Variants in MAST1 observed in about 807,000 individuals in gnomAD.
The protein encoded by MAST1 is microtubule-associated serine/threonine-protein kinase 1.
A neutral mutation model predicts 124.6 loss-of-function variants in MAST1; 40 were observed. The observed-to-expected ratio is 0.32, with a 90% CI of 0.25 to 0.42. The LOEUF is 0.42. Ranked by LOEUF, MAST1 falls within the 10% of genes least tolerant of loss-of-function variation. The probability of loss-of-function intolerance (pLI) is 1.00; values close to 1 mark genes in which losing one functional copy is unlikely to be tolerated. For missense variants in MAST1, 1,558 were observed against 2,181.9 expected (o/e 0.71, Z 5.70); for synonymous variants, 938 against 939.4 (o/e 1.00, Z 0.03).
At chr19:12,840,314 C>T in intron 1 of MAST1, 132 bp from the exon 2 acceptor site, 2 of 647,748 alleles carry the variant, frequency 3.1e-6, no homozygotes, top group East Asian at 5.5e-5. Context: ...TTCGAGAAAC[C>T]CTCCCAGGGA....
rs1179306762 is a variant in MAST1 at position 12,852,351 on chromosome 19, G to A, written c.1033G>A (p.Asp345Asn). The change falls in exon 10 of 26, where the codon GAC becomes AAC. Residue 345 changes from aspartate to asparagine, a missense_variant. Physicochemically the swap from Asp to Asn is conservative, Grantham distance 23. This residue lies in a region of MAST1 where 136 missense variants were observed against 160.9 expected (regional missense o/e 0.85). Coordinates refer to ENST00000251472, the MANE Select transcript of MAST1 (RefSeq NM_014975.3). ...FPDVVHLEEQ[D>N]SGGSNTPEQD... ...AGATGTGGTGCATCTGGAGGAACAG[G>A]ACAGTGGTGGTTCCAACACCCCTGA... 6.2e-7 allele frequency: 1 copy of A among 1,614,100 alleles called. No homozygotes were observed. The highest frequency in any genetic ancestry group is 8.5e-7 in the Non-Finnish European group (1 of 1,179,994).
At position 12,843,561 on chromosome 19, in the gene MAST1, T is replaced by A; in HGVS notation, c.281T>A (p.Leu94His). 6.2e-7 allele frequency: 1 copy of A among 1,613,404 alleles called. No homozygotes were observed. Among genetic ancestry groups the A allele is most frequent in the South Asian group, 1.1e-5 (1 of 91,038 alleles). ...ADGRRWSLAS[L>H]PSSGYGTNTP... is the part of the protein sequence containing the mutation. The stretch of plus-strand genomic sequence containing the variant: ...GGACGCCGGTGGTCTCTGGCCTCGC[T>A]CCCTTCATCTGGCTATGGCACCAAC... Residue 94 changes from leucine (L) to histidine (H), a missense_variant, in exon 4 of 26, where the codon CTC (leucine) becomes CAC (histidine). Leu to His is a moderately conservative substitution (Grantham distance 99). This residue lies in a region of MAST1 where 165 missense variants were observed against 315.3 expected (regional missense o/e 0.52). Coordinates refer to ENST00000251472, the MANE Select transcript of MAST1 (RefSeq NM_014975.3). This position sits in a 1 kb window ranked among gnomAD's most constrained non-coding sequence, Gnocchi z 4.9.
chr19:12,840,022 A>G lies in MAST1; in HGVS notation c.84-424A>G, dbSNP rs1396642168. Among the ~76,000 whole-genome samples the G allele has an allele frequency of 7.9e-5, 12 of 152,238 alleles. No individual in the cohort carries two copies. The East Asian group carries it at 2.1e-3, about 27-fold the overall frequency. ...CACACAAATGCTCAAATTGTATCACACAAGATAAACCCACGTTGTGTCACA... is the reference window on the plus strand; with the variant it reads ...CACACAAATGCTCAAATTGTATCACGCAAGATAAACCCACGTTGTGTCACA... On this transcript the variant is annotated intron_variant, in intron 1 of 25. Coordinates refer to ENST00000251472, the MANE Select transcript of MAST1 (RefSeq NM_014975.3).
Position 12,867,634 on chromosome 19 carries a change from GA to G in MAST1, c.2301del (p.Gly769AlafsTer130). The G allele has an allele frequency of 6.2e-7, 1 of 1,604,430 alleles. No homozygotes were observed. The highest frequency in any genetic ancestry group is 8.5e-7 in the Non-Finnish European group (1 of 1,175,708). ...CTGACCCTGCGTGAGAAGACCTGGA[GA>G]GGGGGCTCTCCGGAGATGTGAGCAG... ...GGLTLREKTW[R>X]GGSPEIKRFS... On this transcript the variant is annotated frameshift_variant, in exon 19 of 26. Transcript: ENST00000251472. LOFTEE classifies it high-confidence loss of function.
intron 22 of MAST1, among the ~76,000 whole-genome samples, chr19:12,869,742 G>A (rs1970207854): frequency 6.6e-6 from 1 of 151,104 alleles, no homozygotes; most frequent in East Asian, 2.1e-4. Flanking sequence ...GGCCGAGACT[G>A]TTTCTTCATC....
chr19:12,864,674 G>A (rs1970128059), intron 12 of MAST1, 135 bp from the exon 13 acceptor site: 1 of 1,124,000 alleles, frequency 8.9e-7, no homozygotes, highest in Non-Finnish European at 1.3e-6. Flanking sequence ...CTGGAGGGAG[G>A]GAGGCCCCTC....
chr19:12,863,736 T>C (rs2145906094), intron 12 of MAST1, among the ~76,000 whole-genome samples: 1 of 152,200 alleles, frequency 6.6e-6, no homozygotes, highest in African/African-American at 2.4e-5. Flanking sequence ...TGGAAGGAAA[T>C]CTAGCCTTTG....
intron 3 of MAST1, among the ~76,000 whole-genome samples, chr19:12,842,765 A>T (rs1265222625): frequency 6.6e-6 from 1 of 152,098 alleles, no homozygotes; most frequent in African/African-American, 2.4e-5. Flanking sequence ...GGGTGTCTGG[A>T]ACGTGCATCT....
At position 12,858,643 on chromosome 19, in the gene MAST1, G is replaced by C; in HGVS notation, c.1270G>C (p.Asp424His). Residue 424 changes from aspartate to histidine, a missense_variant, in exon 12 of 26, where the codon GAT becomes CAT. Transcript: ENST00000251472. Reference protein sequence around the residue: ...NQIQQAFVERDILTFAENPFV... With the variant: ...NQIQQAFVERHILTFAENPFV... ...GATCCAGCAGGCCTTTGTGGAGCGC[G>C]ATATCCTCACCTTCGCCGAGAACCC... 2 of 1,614,234 alleles carry C rather than the reference G, an allele frequency of 1.2e-6. No individual in the cohort carries two copies. The highest frequency in any genetic ancestry group is 1.7e-6 in the Non-Finnish European group (2 of 1,180,040).
At chr19:12,861,174 GC>G (rs1264405329) in intron 12 of MAST1, among the ~76,000 whole-genome samples, 4 of 152,048 alleles carry the variant, frequency 2.6e-5, no homozygotes, top group Non-Finnish European at 4.4e-5. Flanking sequence ...GGATTCTCAT[GC>G]CTCAGCCTCC....
intron 20 of MAST1, 28 bp from the exon 21 acceptor site, chr19:12,868,615 T>A (rs889351662): frequency 6.5e-7 from 1 of 1,548,594 alleles, no homozygotes; most frequent in Non-Finnish European, 8.7e-7. Flanking sequence ...CTTGGACTAA[T>A]TCCTAACACA....
At position 12,865,290 on chromosome 19, in the gene MAST1, G is replaced by A. The variant is rs764235649; in HGVS notation, c.1639-26G>A. 3 of 1,579,456 alleles carry A rather than the reference G, an allele frequency of 1.9e-6. No homozygotes were observed. The highest frequency in any genetic ancestry group is 1.2e-5 in the South Asian group (1 of 84,750). On this transcript the variant is annotated intron_variant, in intron 14 of 25. Transcript: ENST00000251472. This position sits in a 1 kb window ranked among gnomAD's most constrained non-coding sequence, Gnocchi z 7.1. ...CCCTTGAGGGCCCTCCTCTGGCTGGGGCGTGGGCTGACAGCCTGCCCCCAG... is the reference window on the plus strand; with the variant it reads ...CCCTTGAGGGCCCTCCTCTGGCTGGAGCGTGGGCTGACAGCCTGCCCCCAG...
At chr19:12,870,990 G>A (rs1162689987) in intron 23 of MAST1, 44 bp downstream of exon 23, 1 of 1,613,724 alleles carries the variant, frequency 6.2e-7, no homozygotes, top group Non-Finnish European at 8.5e-7. Flanking sequence ...GGTGGGGGAG[G>A]CCTGAGCAGC....
At chr19:12,853,908 A>G (rs964104504) in intron 10 of MAST1, among the ~76,000 whole-genome samples, 3 of 127,532 alleles carry the variant, frequency 2.4e-5, no homozygotes, top group African/African-American at 5.7e-5. Flanking sequence ...TAATAATAAT[A>G]ATGATTAATA....
chr19:12,850,326 T>G (rs953295616), intron 7 of MAST1, among the ~76,000 whole-genome samples: 1 of 152,136 alleles, frequency 6.6e-6, no homozygotes, highest in African/African-American at 2.4e-5. Context: ...CAGACCAGCC[T>G]GGGTAACATA....
At chr19:12,869,538 A>G (rs987953217) in intron 22 of MAST1, among the ~76,000 whole-genome samples, 1 of 152,044 alleles carries the variant, frequency 6.6e-6, no homozygotes, top group East Asian at 1.9e-4. Flanking sequence ...AGTTCAAGCC[A>G]TTCTCCTGCC....
intron 13 of MAST1, 39 bp downstream of exon 13, chr19:12,864,986 G>A: frequency 6.2e-7 from 1 of 1,613,716 alleles, no homozygotes; most frequent in Non-Finnish European, 8.5e-7. Flanking sequence ...TCTGTCCCTC[G>A]GGAGGCCAGG....
chr19:12,844,690 C>G (rs1969871034), intron 4 of MAST1, among the ~76,000 whole-genome samples: 1 of 152,080 alleles, frequency 6.6e-6, no homozygotes, highest in African/African-American at 2.4e-5. Flanking sequence ...ACAGAACTTG[C>G]AGCATTTGAA....
chr19:12,866,676 G>A lies in MAST1; in HGVS notation c.2053G>A (p.Val685Met). The part of the protein sequence containing the change: ...FDTRSDRYHH[V>M]NSYDEDDTTE... ...AGCCCGCTCAGACAGGTATCACCAC[G>A]TGAACTCCTATGACGAGGATGACAC... Residue 685 changes from valine (V) to methionine (M), a missense_variant, in exon 18 of 26, where the codon GTG becomes ATG. Val to Met is a conservative substitution (Grantham distance 21). Transcript: ENST00000251472. This position sits in a 1 kb window ranked among gnomAD's most constrained non-coding sequence, Gnocchi z 5.2. The A allele has an allele frequency of 6.2e-7, 1 of 1,613,820 alleles. No individual in the cohort carries two copies. The highest frequency in any genetic ancestry group is 8.5e-7 in the Non-Finnish European group (1 of 1,179,900).
Sources: gnomAD v4.1 joint callset for allele counts (sites outside exome capture counted in the v4.1 genomes callset) on GRCh38, gnomAD v4.1.1 for gene constraint, gnomAD v4.1.1 regional missense constraint, Gnocchi (gnomAD v3.1) non-coding constraint, MANE v1.5 for transcripts, NCBI Gene and HGNC (gene_info 2026-07-23, HGNC 2026-07-21) for gene names.